CAST: variants seen among roughly 807,000 people sequenced by gnomAD.
The protein encoded by CAST is calpastatin.
CAST carries 76 observed loss-of-function variants against 119.6 expected under a neutral mutation model. The ratio of observed to expected loss-of-function variants is 0.64; its 90% CI spans 0.53 to 0.77. CAST has a LOEUF of 0.77. CAST is among the 30% of genes least tolerant of loss of function. The pLI, the probability that CAST is intolerant of heterozygous loss-of-function variation, is 0.00. For synonymous variants in CAST, 319 were observed against 331.6 expected (o/e 0.96, Z 0.41); for missense variants, 953 against 946.5 (o/e 1.01, Z -0.09).
the CAST span, among the ~76,000 whole-genome samples, chr5:96,485,941 T>G: frequency 6.6e-6 from 1 of 152,186 alleles, no homozygotes; most frequent in Admixed American, 6.5e-5. Flanking sequence ...GATTTTGTTG[T>G]ATTTTTCCCT....
chr5:96,184,030 T>C, the CAST span, among the ~76,000 whole-genome samples: 8 of 152,216 alleles, frequency 5.3e-5, no homozygotes, highest in Non-Finnish European at 1.2e-4. Context: ...TATAGGTAAG[T>C]GAGGCATTTA....
chr5:96,630,833 A>G (rs1162351560), intron 1 of CAST: 1 of 141,202 alleles, frequency 7.1e-6, no homozygotes, highest in Non-Finnish European at 1.6e-5. Context: ...AAAGAGAGAG[A>G]GAAAGAAGGA....
At chr5:96,612,873 A>C (rs992261855) in intron 1 of CAST, among the ~76,000 whole-genome samples, 6 of 152,216 alleles carry the variant, frequency 3.9e-5, no homozygotes, top group Non-Finnish European at 7.4e-5. Flanking sequence ...ATATATACAT[A>C]CATACACACA....
chr5:96,417,859 T>C, the CAST span, among the ~76,000 whole-genome samples: 1 of 152,188 alleles, frequency 6.6e-6, no homozygotes, highest in Admixed American at 6.5e-5. Context: ...CTCTTTGCCT[T>C]AGTAGAAGGA....
the CAST span, among the ~76,000 whole-genome samples, chr5:96,388,400 A>C: frequency 5.3e-5 from 8 of 152,190 alleles, no homozygotes; most frequent in African/African-American, 4.8e-5. Flanking sequence ...CTGTTCTGGA[A>C]ACCAGGCTTA....
intron 1 of CAST, among the ~76,000 whole-genome samples, chr5:96,557,180 G>GTATTT (rs1746259560): frequency 6.6e-6 from 1 of 151,942 alleles, no homozygotes; most frequent in Admixed American, 6.6e-5. Context: ...GTCACCACCA[G>GTATTT]GCCTGCCTTA....
the CAST span, among the ~76,000 whole-genome samples, chr5:96,099,566 GC>G: frequency 6.6e-6 from 1 of 152,138 alleles, no homozygotes; most frequent in Admixed American, 6.5e-5. Context: ...AGGTTTTTCT[GC>G]ATCTATTAAG....
the CAST span, among the ~76,000 whole-genome samples, chr5:96,455,854 T>G: frequency 2.0e-5 from 3 of 152,220 alleles, no homozygotes; most frequent in Non-Finnish European, 4.4e-5. Context: ...TGATTTGTTC[T>G]TTTTTTCTGT....
the CAST span, among the ~76,000 whole-genome samples, chr5:96,285,350 A>G: frequency 6.6e-6 from 1 of 152,228 alleles, no homozygotes; most frequent in Non-Finnish European, 1.5e-5. Context: ...GTATTACTAA[A>G]AAAGCTTTAT....
the CAST span, among the ~76,000 whole-genome samples, chr5:96,292,399 A>G: frequency 2.0e-5 from 3 of 152,252 alleles, no homozygotes; most frequent in South Asian, 2.1e-4. Flanking sequence ...TCACAAATGT[A>G]GACAAATTAG....
At chr5:96,178,621 G>A in the CAST span, among the ~76,000 whole-genome samples, 1 of 152,170 alleles carries the variant, frequency 6.6e-6, no homozygotes, top group African/African-American at 2.4e-5. Context: ...AGTTAGCACT[G>A]CTCTAATGGT....
rs144228159 is a variant in CAST, at chr5:96,541,977, T to C, written c.60+12097T>C. 7.9e-5 allele frequency among the ~76,000 whole-genome samples: 12 copies of C among 152,332 alleles called. No individual in the cohort carries two copies. The East Asian group carries it at 2.3e-3, about 29-fold the overall frequency. ...CAGCTTTTAAATTCAATTGGCTAAA[T>C]ACCTAGCAGTGCAATTGCGGGATCA... is the stretch of plus-strand genomic sequence containing the variant. On this transcript the variant is annotated intron_variant, in intron 1 of 11. Coordinates refer to the CAST transcript ENST00000505143.
the CAST span, among the ~76,000 whole-genome samples, chr5:96,489,281 A>G: frequency 4.0e-4 from 61 of 152,330 alleles, no homozygotes; most frequent in African/African-American, 1.3e-3. Context: ...GAGGCAGATC[A>G]AAGGATGCCT....
At chr5:96,481,808 A>G in the CAST span, among the ~76,000 whole-genome samples, 5 of 152,200 alleles carry the variant, frequency 3.3e-5, no homozygotes, top group Non-Finnish European at 7.4e-5. Context: ...AACTAATGGC[A>G]AGACCCTATT....
the CAST span, among the ~76,000 whole-genome samples, chr5:96,492,001 A>C: frequency 1.3e-5 from 2 of 152,248 alleles, no homozygotes; most frequent in East Asian, 3.8e-4. Context: ...TAATAACTAG[A>C]AGAAGGCACA....
At chr5:96,018,921 A>G in the CAST span, among the ~76,000 whole-genome samples, 232 of 152,358 alleles carry the variant, frequency 1.5e-3, no homozygotes, top group African/African-American at 4.8e-3. Flanking sequence ...TAAGTAAATC[A>G]GCATCATTCA....
intron 1 of CAST, among the ~76,000 whole-genome samples, chr5:96,603,079 T>C (rs1747185395): frequency 6.6e-6 from 1 of 152,208 alleles, no homozygotes; most frequent in African/African-American, 2.4e-5. Flanking sequence ...CCTTCCAAGG[T>C]TTAAATTTTG....
At chr5:96,137,990 T>G in the CAST span, among the ~76,000 whole-genome samples, 1 of 152,084 alleles carries the variant, frequency 6.6e-6, no homozygotes, top group African/African-American at 2.4e-5. Flanking sequence ...TTTTTAACTT[T>G]AACAAAGTCC....
chr5:96,154,969 C>G, the CAST span, among the ~76,000 whole-genome samples: 1 of 152,206 alleles, frequency 6.6e-6, no homozygotes, highest in African/African-American at 2.4e-5. Flanking sequence ...CCCACTTAAG[C>G]AGTGGGGAGC....
Sources: gnomAD v4.1 joint callset for allele counts (sites outside exome capture counted in the v4.1 genomes callset) on GRCh38, gnomAD v4.1.1 for gene constraint, MANE v1.5 for transcripts, NCBI Gene and HGNC (gene_info 2026-07-23, HGNC 2026-07-21) for gene names.